NID1: variants seen among roughly 807,000 people sequenced by gnomAD.
NID1 encodes the protein nidogen 1.
A neutral mutation model predicts 130.6 loss-of-function variants in NID1; 76 were observed. The observed-to-expected ratio is 0.58, with a 90% CI of 0.48 to 0.70. The LOEUF (loss-of-function observed/expected upper bound fraction) is 0.70. Ranked by LOEUF, NID1 falls within the 30% of genes least tolerant of loss-of-function variation. The probability of loss-of-function intolerance (pLI) is 0.00; values close to 1 mark genes in which losing one functional copy is unlikely to be tolerated. For missense variants in NID1, 1,517 were observed against 1,664.8 expected (o/e 0.91, Z 1.54); for synonymous variants, 665 against 675.1 (o/e 0.98, Z 0.23).
intron 12 of NID1, among the ~76,000 whole-genome samples, chr1:236,009,581 A>C (rs1423845042): frequency 2.6e-5 from 4 of 152,210 alleles, no homozygotes; most frequent in Admixed American, 2.0e-4. Context: ...ACATGTAGGT[A>C]TATTTTCACA....
chr1:235,979,975 G>T lies in NID1; in HGVS notation c.3386-30C>A. 1 of 1,610,576 alleles carries T rather than the reference G, an allele frequency of 6.2e-7. No homozygotes were observed. The highest frequency in any genetic ancestry group is 2.2e-5 in the East Asian group (1 of 44,534). Reference sequence around the variant, plus strand: ...GTGGAGTGGAAACAATTCATTCATTGTTCACACAAGAAATGGCCCCTTTGT... The same window carrying T: ...GTGGAGTGGAAACAATTCATTCATTTTTCACACAAGAAATGGCCCCTTTGT... On this transcript the variant is annotated intron_variant, in intron 17 of 19. Coordinates refer to ENST00000264187, the MANE Select transcript of NID1 (RefSeq NM_002508.3). The surrounding 1 kb of genome is among the most constrained non-coding windows in gnomAD (Gnocchi z 4.6).
intron 7 of NID1, 94 bp from the exon 8 acceptor site, chr1:236,026,235 C>G: frequency 1.3e-6 from 2 of 1,502,092 alleles, no homozygotes; most frequent in Non-Finnish European, 1.8e-6. Flanking sequence ...TTCAAGGCAC[C>G]AGTGGTATTC....
At chr1:236,013,218 G>A (rs1175604070) in intron 11 of NID1, among the ~76,000 whole-genome samples, 193 bp downstream of exon 11, 1 of 152,182 alleles carries the variant, frequency 6.6e-6, no homozygotes, top group African/African-American at 2.4e-5. Context: ...AGTCATCAAT[G>A]AGAATAGCCC....
chr1:236,056,926 G>A (rs2102851456), intron 1 of NID1, among the ~76,000 whole-genome samples: 1 of 152,110 alleles, frequency 6.6e-6, no homozygotes, highest in Non-Finnish European at 1.5e-5. Flanking sequence ...CGTAAGTATT[G>A]CACGGCAGTT....
chr1:236,057,714 A>G (rs919982762), intron 1 of NID1, among the ~76,000 whole-genome samples: 3 of 152,006 alleles, frequency 2.0e-5, no homozygotes, highest in African/African-American at 7.3e-5. Flanking sequence ...AAAGAAAGAA[A>G]GACGGAAAGA....
At chr1:235,993,936 G>A (rs1264360928) in intron 12 of NID1, 64 bp from the exon 13 acceptor site, 8 of 1,472,214 alleles carry the variant, frequency 5.4e-6, no homozygotes, top group African/African-American at 1.4e-5. Context: ...TCCCTGGCGG[G>A]GCTGCAGGAG....
intron 2 of NID1, among the ~76,000 whole-genome samples, chr1:236,047,984 C>T (rs560789102): frequency 7.7e-6 from 1 of 129,128 alleles, no homozygotes; most frequent in African/African-American, 3.0e-5. Context: ...TGAGATTGTG[C>T]CACTGTACTC....
intron 12 of NID1, among the ~76,000 whole-genome samples, chr1:236,002,411 G>A (rs1461072881): frequency 6.6e-6 from 1 of 152,210 alleles, no homozygotes; most frequent in African/African-American, 2.4e-5. Context: ...ATTGAGGCAG[G>A]AGAATCGCTT....
In NID1 at chr1:235,980,512, G is replaced by A. The variant is rs1221973881; in HGVS notation, c.3369C>T (p.Leu1123=). The A allele has an allele frequency of 1.9e-6, 3 of 1,614,168 alleles. No homozygotes were observed. The highest frequency in any genetic ancestry group is 2.2e-5 in the South Asian group (2 of 91,086). The change falls in exon 17 of 20, where the codon CTC becomes CTT. Residue 1123 remains leucine (L), a synonymous_variant. Coordinates refer to ENST00000264187, the MANE Select transcript of NID1 (RefSeq NM_002508.3). ...GLTFDAFSSQ[L]CWVDAGTNRA... is the part of the protein sequence containing the mutation. ...TTCCATCACCTGCATCCACCCAGCA[G>A]AGCTGAGATGAGAACGCATCGAAGG...
At chr1:236,044,205 G>A (rs1029528280) in intron 3 of NID1, among the ~76,000 whole-genome samples, 6 of 152,126 alleles carry the variant, frequency 3.9e-5, no homozygotes, top group Non-Finnish European at 8.8e-5. Context: ...AGTGGTGTGT[G>A]GGAGCTTATA....
At chr1:235,984,754 A>G (rs1657525099) in intron 15 of NID1, among the ~76,000 whole-genome samples, 1 of 152,182 alleles carries the variant, frequency 6.6e-6, no homozygotes, top group Non-Finnish European at 1.5e-5. Flanking sequence ...ATGGTCTTTC[A>G]ACTAGATAAA....
chr1:235,984,409 G>A (rs1175912204), intron 15 of NID1, among the ~76,000 whole-genome samples: 1 of 152,084 alleles, frequency 6.6e-6, no homozygotes, highest in African/African-American at 2.4e-5. Flanking sequence ...ACAAAGAAGG[G>A]AAAAAATGCT....
chr1:235,976,762 T>C lies in NID1; in HGVS notation c.*1105A>G, dbSNP rs189489022. On this transcript the variant is annotated 3_prime_UTR_variant, in exon 20 of 20. Coordinates refer to ENST00000264187, the MANE Select transcript of NID1 (RefSeq NM_002508.3). Reference sequence around the variant, plus strand: ...TAGTATAAATATTCAATTCAGTCTTTCCGGATTGTGTTGTTAGATAAGAAT... The same window carrying C: ...TAGTATAAATATTCAATTCAGTCTTCCCGGATTGTGTTGTTAGATAAGAAT... 6.6e-6 allele frequency: 1 copy of C among 152,244 alleles called. No homozygotes were observed. Among genetic ancestry groups the C allele is most frequent in the Admixed American group, 6.5e-5 (1 of 15,294 alleles). The allele number at this position is 152,244 out of a possible 1,614,324, so 9.4% of individuals were successfully genotyped here.
intron 12 of NID1, among the ~76,000 whole-genome samples, chr1:235,998,067 C>T (rs187643443): frequency 2.0e-5 from 3 of 152,258 alleles, no homozygotes; most frequent in Admixed American, 2.0e-4. Context: ...AGAGACATTT[C>T]GAGCTCTGCA....
rs180783684 is a variant in NID1 at position 236,050,351 on chromosome 1, C to A, written c.226-1362G>T. 4.6e-3 allele frequency among the ~76,000 whole-genome samples: 702 copies of A among 151,690 alleles called. 6 individuals are homozygous for A. The highest frequency in any genetic ancestry group is 0.016 in the African/African-American group (654 of 41,348). Reference sequence around the variant, plus strand: ...GGTGGATCACCTGAGGTCAGGAGTTCGAGACCAGCCTGACCAACATGGTGA... The same window carrying A: ...GGTGGATCACCTGAGGTCAGGAGTTAGAGACCAGCCTGACCAACATGGTGA... On this transcript the variant is annotated intron_variant, in intron 1 of 19. Transcript: ENST00000264187.
intron 11 of NID1, 87 bp downstream of exon 11, chr1:236,013,324 G>T: frequency 7.1e-7 from 1 of 1,400,984 alleles, no homozygotes; most frequent in South Asian, 1.2e-5. Context: ...TTCTATTTGG[G>T]AGTGAGTTGG....
At chr1:236,050,697 TCA>T (rs1659741508) in intron 1 of NID1, among the ~76,000 whole-genome samples, 1 of 152,154 alleles carries the variant, frequency 6.6e-6, no homozygotes, top group Non-Finnish European at 1.5e-5. Flanking sequence ...TAACACCCTC[TCA>T]CTTTCTTGTT....
chr1:236,026,238 T>C, intron 7 of NID1, 97 bp from the exon 8 acceptor site: 1 of 1,477,994 alleles, frequency 6.8e-7, no homozygotes, highest in Non-Finnish European at 9.2e-7. Context: ...AAGGCACCAG[T>C]GGTATTCCCT....
intron 1 of NID1, 119 bp from the exon 2 acceptor site, chr1:236,049,108 TCTGAGAAAG>T: frequency 9.2e-7 from 1 of 1,091,224 alleles, no homozygotes. Context: ...TACAACAGAA[TCTGAGAAAG>T]ATACGAGCCT....
Sources: allele counts gnomAD v4.1 joint callset (sites outside exome capture counted in the v4.1 genomes callset), GRCh38; gene constraint gnomAD v4.1.1; non-coding constraint Gnocchi (gnomAD v3.1); transcripts MANE v1.5; gene names NCBI Gene and HGNC (gene_info 2026-07-23, HGNC 2026-07-21).